The following INO80 variants were observed in gnomAD, a reference collection of about 807,000 sequenced individuals.
INO80 encodes the protein chromatin-remodeling ATPase INO80.
Under a neutral mutation model 203.4 loss-of-function variants are expected in INO80, and 20 were observed. That is an observed-to-expected ratio of 0.10 (90% CI 0.07 to 0.14). The LOEUF is 0.14. INO80 is among the 10% of genes least tolerant of loss of function. The probability of loss-of-function intolerance (pLI) is 1.00; values close to 1 mark genes in which losing one functional copy is unlikely to be tolerated. For missense variants in INO80, 1,419 were observed against 1,914.4 expected (o/e 0.74, Z 4.83); for synonymous variants, 726 against 685.2 (o/e 1.06, Z -0.93).
chr15:41,023,433 G>C, intron 25 of INO80: 2 of 437,618 alleles, frequency 4.6e-6, no homozygotes, highest in East Asian at 7.2e-5. Flanking sequence ...TATATGTCTT[G>C]AACAGCATGC....
intron 9 of INO80, among the ~76,000 whole-genome samples, chr15:41,075,877 G>A (rs1242278258): frequency 6.6e-6 from 1 of 152,278 alleles, no homozygotes; most frequent in South Asian, 2.1e-4. Flanking sequence ...ATAGGTGTGA[G>A]CCACTGCACC....
chr15:41,022,465 G>C (rs77523310), intron 25 of INO80, among the ~76,000 whole-genome samples: 2 of 151,460 alleles, frequency 1.3e-5, no homozygotes, highest in African/African-American at 4.9e-5. Flanking sequence ...AGAACTGAGG[G>C]AGGGGCCAAT....
intron 6 of INO80, among the ~76,000 whole-genome samples, chr15:41,086,311 T>A (rs961929114): frequency 6.6e-6 from 1 of 151,882 alleles, no homozygotes; most frequent in African/African-American, 2.4e-5. Context: ...CTAATAAAGA[T>A]AATAGAGAAA....
intron 12 of INO80, among the ~76,000 whole-genome samples, chr15:41,071,628 ATT>A (rs879445268): frequency 1.4e-5 from 2 of 142,218 alleles, no homozygotes. Context: ...CTAATTTTGT[ATT>A]TTTTTTTTTT....
rs778345163 is a variant in INO80, at chr15:41,079,922, A to G, written c.928-18T>C. The G allele has an allele frequency of 1.9e-6, 3 of 1,611,746 alleles. No homozygotes were observed. The highest frequency in any genetic ancestry group is 2.2e-5 in the East Asian group (1 of 44,870). On this transcript the variant is annotated intron_variant, in intron 8 of 35. Coordinates refer to ENST00000648947, the MANE Select transcript of INO80 (RefSeq NM_017553.3). Reference sequence around the variant, plus strand: ...TGAGCAAGCTGAAAACAACAACAGCATTACAGCGGAAAGGACCCCATACCA... The same window carrying G: ...TGAGCAAGCTGAAAACAACAACAGCGTTACAGCGGAAAGGACCCCATACCA...
intron 1 of INO80, among the ~76,000 whole-genome samples, chr15:41,106,848 C>T (rs775090836): frequency 1.3e-5 from 2 of 152,216 alleles, no homozygotes; most frequent in Non-Finnish European, 2.9e-5. Flanking sequence ...TCCTGCCTCG[C>T]TTATCTGTAA....
chr15:41,040,473 T>G (rs1481903860), intron 24 of INO80, among the ~76,000 whole-genome samples: 2 of 152,178 alleles, frequency 1.3e-5, no homozygotes, highest in African/African-American at 4.8e-5. Context: ...GTAAGAATGG[T>G]CTTTTCAATA....
intron 24 of INO80, among the ~76,000 whole-genome samples, chr15:41,029,078 G>A (rs1363610585): frequency 1.3e-5 from 2 of 152,182 alleles, no homozygotes; most frequent in Non-Finnish European, 2.9e-5. Flanking sequence ...AATAAGGCAG[G>A]TTGATGACCA....
intron 29 of INO80, among the ~76,000 whole-genome samples, chr15:40,989,477 A>G (rs1379562704): frequency 3.9e-5 from 6 of 152,184 alleles, no homozygotes; most frequent in African/African-American, 1.4e-4. Context: ...TATCCAATCA[A>G]AAGTCACCAA....
At chr15:41,082,893 T>C (rs1382973235) in intron 7 of INO80, among the ~76,000 whole-genome samples, 1 of 148,440 alleles carries the variant, frequency 6.7e-6, no homozygotes, top group Non-Finnish European at 1.5e-5. Flanking sequence ...CAAAAAGAAA[T>C]GAAAACTCAT....
intron 1 of INO80, among the ~76,000 whole-genome samples, chr15:41,112,350 A>C (rs2045969497): frequency 6.6e-6 from 1 of 152,206 alleles, no homozygotes; most frequent in South Asian, 2.1e-4. Flanking sequence ...AGTTTCAAGA[A>C]AATTAAAATG....
intron 6 of INO80, 77 bp downstream of exon 6, chr15:41,087,485 T>C: frequency 4.0e-6 from 6 of 1,485,442 alleles, no homozygotes; most frequent in Non-Finnish European, 5.5e-6. Flanking sequence ...ATATATAAAG[T>C]CCAAATGCAC....
intron 25 of INO80, among the ~76,000 whole-genome samples, chr15:41,022,819 C>T (rs907279863): frequency 2.0e-5 from 3 of 152,108 alleles, no homozygotes; most frequent in Non-Finnish European, 2.9e-5. Flanking sequence ...AACTTGTTTT[C>T]GGCTGAGCAT....
chr15:41,047,772 C>A (rs759000631), intron 22 of INO80, among the ~76,000 whole-genome samples: 9 of 152,144 alleles, frequency 5.9e-5, no homozygotes, highest in Non-Finnish European at 1.3e-4. Context: ...TGCCTAAATG[C>A]CTTCTCTTTG....
At chr15:41,043,209 C>A (rs541844967) in intron 24 of INO80, among the ~76,000 whole-genome samples, 43 of 152,216 alleles carry the variant, frequency 2.8e-4, no homozygotes, top group African/African-American at 8.9e-4. Context: ...GTCCATATAA[C>A]AGGGAACAAC....
At chr15:41,047,171 G>A (rs1431905163) in intron 23 of INO80, among the ~76,000 whole-genome samples, 1 of 151,788 alleles carries the variant, frequency 6.6e-6, no homozygotes, top group Non-Finnish European at 1.5e-5. Context: ...CTCCATGTTG[G>A]TCAGGCTGGT....
intron 16 of INO80, among the ~76,000 whole-genome samples, chr15:41,057,025 T>C (rs1437336852): frequency 1.3e-5 from 2 of 152,210 alleles, no homozygotes; most frequent in South Asian, 2.1e-4. Flanking sequence ...GTCATTTAAT[T>C]AGAAAGTACA....
rs7497438 is a variant in INO80 at position 41,071,962 on chromosome 15, C to A, written c.1492G>T (p.Ala498Ser). 6.2e-7 allele frequency: 1 copy of A among 1,613,706 alleles called. No homozygotes were observed. The highest frequency in any genetic ancestry group is 8.5e-7 in the Non-Finnish European group (1 of 1,179,890). The change falls in exon 12 of 36, where the codon GCT (alanine) becomes TCT (serine). Residue 498 changes from alanine (A) to serine (S), a missense_variant. By Grantham distance (99) the Ala-to-Ser change is moderately conservative. Around this residue, in one of 9 missense-constraint regions of INO80, gnomAD observed 192 missense variants for 406.7 expected, o/e 0.47. Coordinates refer to ENST00000648947, the MANE Select transcript of INO80 (RefSeq NM_017553.3). Reference protein sequence around the residue: ...GTGFGESYSLANPSIRAGEDI... With the variant: ...GTGFGESYSLSNPSIRAGEDI... Reference sequence around the variant, plus strand: ...TCACCAGCCCGGATAGATGGGTTAGCCAGGCTATAACTCTCCCCAAACCCA... The same window carrying A: ...TCACCAGCCCGGATAGATGGGTTAGACAGGCTATAACTCTCCCCAAACCCA...
intron 16 of INO80, among the ~76,000 whole-genome samples, chr15:41,057,461 CA>C (rs34940669): frequency 0.31 from 36,696 of 117,710 alleles, 4,904 homozygotes; most frequent in Non-Finnish European, 0.38. Context: ...TCCCCTGTCT[CA>C]AAAAAAAAAA....
Sources: allele counts gnomAD v4.1 joint callset (sites outside exome capture counted in the v4.1 genomes callset), GRCh38; gene constraint gnomAD v4.1.1; regional missense constraint gnomAD v4.1.1; transcripts MANE v1.5; gene names NCBI Gene and HGNC (gene_info 2026-07-23, HGNC 2026-07-21).